The following DOCK3 variants were observed in gnomAD, a reference collection of about 807,000 sequenced individuals.
DOCK3 encodes the protein dedicator of cytokinesis protein 3.
A neutral mutation model predicts 265.6 loss-of-function variants in DOCK3; 60 were observed. That is an observed-to-expected ratio of 0.23 (90% confidence interval 0.18 to 0.28). The LOEUF (loss-of-function observed/expected upper bound fraction) is 0.28, where lower values mean the gene tolerates loss of function less well. DOCK3 is among the 10% of genes least tolerant of loss of function. DOCK3 has a pLI of 1.00. For missense variants in DOCK3, 1,981 were observed against 2,594.3 expected, an observed-to-expected ratio of 0.76 and a Z score of 5.14; for synonymous variants, 881 against 938.0, an observed-to-expected ratio of 0.94 and a Z score of 1.11.
intron 12 of DOCK3, among the ~76,000 whole-genome samples, chr3:51,188,516 C>G (rs1428215453): frequency 6.6e-6 from 1 of 152,190 alleles, no homozygotes; most frequent in Admixed American, 6.5e-5. Flanking sequence ...ACTCAACTCT[C>G]AAACATTGAA....
chr3:51,233,082 C>T (rs2078195126), intron 19 of DOCK3, among the ~76,000 whole-genome samples: 2 of 152,034 alleles, frequency 1.3e-5, no homozygotes, highest in Admixed American at 1.3e-4. Flanking sequence ...GTTCTTTTTG[C>T]CAAGGCTTGC....
chr3:50,960,947 T>C (rs1366325655), intron 5 of DOCK3, among the ~76,000 whole-genome samples: 2 of 152,172 alleles, frequency 1.3e-5, no homozygotes, highest in African/African-American at 4.8e-5. Context: ...TTTCCCCGCA[T>C]TGAGTTGTCT....
At chr3:50,766,694 C>T (rs545034772) in intron 1 of DOCK3, among the ~76,000 whole-genome samples, 1 of 152,116 alleles carries the variant, frequency 6.6e-6, no homozygotes, top group Non-Finnish European at 1.5e-5. Context: ...TGAGGAATTG[C>T]CACACTATCT....
intron 23 of DOCK3, among the ~76,000 whole-genome samples, chr3:51,264,575 C>A (rs1445601202): frequency 6.6e-6 from 1 of 152,082 alleles, no homozygotes; most frequent in African/African-American, 2.4e-5. Context: ...CACCTGTAAT[C>A]CCAGCACTTT....
At chr3:50,744,759 A>G (rs965284058) in intron 1 of DOCK3, among the ~76,000 whole-genome samples, 4 of 152,266 alleles carry the variant, frequency 2.6e-5, no homozygotes, top group Non-Finnish European at 4.4e-5. Flanking sequence ...GTATGTGTTG[A>G]TAGGTAAAGG....
rs776946353 is a variant in DOCK3 at position 51,361,011 on chromosome 3, G to A, written c.5006+379G>A. ...CTGAGTAGAGCCAAGTGGCTGGAGTGCCGGATTCCAGGGCACGGAAAGGGG... is the reference window on the plus strand; with the variant it reads ...CTGAGTAGAGCCAAGTGGCTGGAGTACCGGATTCCAGGGCACGGAAAGGGG... On this transcript the variant is annotated intron_variant, in intron 47 of 52. Transcript: ENST00000266037. The surrounding 1 kb of genome is among the most constrained non-coding windows in gnomAD (Gnocchi z 4.2). Among the ~76,000 whole-genome samples, 2 of 152,204 alleles carry A rather than the reference G, an allele frequency of 1.3e-5. No homozygotes were observed. The highest frequency in any genetic ancestry group is 2.4e-5 in the African/African-American group (1 of 41,440).
At chr3:51,050,447 A>G (rs2080954044) in intron 5 of DOCK3, among the ~76,000 whole-genome samples, 1 of 152,220 alleles carries the variant, frequency 6.6e-6, no homozygotes, top group African/African-American at 2.4e-5. Flanking sequence ...AGATTTATAG[A>G]ATTGTAGCAC....
chr3:51,041,605 T>C (rs189443657), intron 5 of DOCK3, among the ~76,000 whole-genome samples: 3 of 152,252 alleles, frequency 2.0e-5, no homozygotes, highest in African/African-American at 7.2e-5. Context: ...TTAACAGGCA[T>C]GAAAACATGA....
At chr3:51,380,634 G>A (rs2088554476) in intron 52 of DOCK3, among the ~76,000 whole-genome samples, 1 of 152,238 alleles carries the variant, frequency 6.6e-6, no homozygotes, top group South Asian at 2.1e-4. Flanking sequence ...CTACCTGTTA[G>A]CTTGTCTGCA....
chr3:51,146,731 A>T (rs977409996), intron 10 of DOCK3, 101 bp downstream of exon 10: 1 of 1,043,186 alleles, frequency 9.6e-7, no homozygotes, highest in Admixed American at 2.2e-5. Flanking sequence ...TCTTATTTCC[A>T]TATACACTGG....
chr3:51,301,545 A>C lies in DOCK3; in HGVS notation c.2923-8687A>C, dbSNP rs1576713113. On this transcript the variant is annotated intron_variant, in intron 27 of 52. Coordinates refer to ENST00000266037, the MANE Select transcript of DOCK3 (RefSeq NM_004947.5). ...TTCTAGCTTTTTGATGTGGGCATTT[A>C]GTGCTATAAATTTCCCTCTTAACAC... is the stretch of plus-strand genomic sequence containing the variant. 3.3e-5 allele frequency among the ~76,000 whole-genome samples: 5 copies of C among 152,230 alleles called. 1 individual carries two copies. In the South Asian group the frequency reaches 1.0e-3, roughly 32 times the overall value.
chr3:50,973,077 G>GTTTTTTTTTT (rs2077299496), intron 5 of DOCK3, among the ~76,000 whole-genome samples: 1 of 10,098 alleles, frequency 9.9e-5, no homozygotes, highest in Non-Finnish European at 2.2e-4. Context: ...TTTTTTTGCA[G>GTTTTTTTTTT]TTCCAACCTT....
chr3:51,260,123 T>A (rs1219435548), intron 22 of DOCK3, 33 bp from the exon 23 acceptor site: 2 of 1,592,662 alleles, frequency 1.3e-6, no homozygotes, highest in Non-Finnish European at 1.7e-6. Context: ...ATCTTCAACA[T>A]CTCTCCATCA....
intron 12 of DOCK3, 144 bp from the exon 13 acceptor site, chr3:51,208,630 C>G: frequency 1.6e-6 from 1 of 638,146 alleles, no homozygotes; most frequent in Non-Finnish European, 2.7e-6. Context: ...GGAAATGAGC[C>G]TTGTTTAATT....
intron 22 of DOCK3, among the ~76,000 whole-genome samples, chr3:51,248,046 T>A (rs2078922067): frequency 6.6e-6 from 1 of 152,224 alleles, no homozygotes; most frequent in African/African-American, 2.4e-5. Context: ...AATCATTCAG[T>A]CAATGTTGCT....
chr3:50,858,271 C>T lies in DOCK3; in HGVS notation c.162+16556C>T, dbSNP rs981214026. The stretch of plus-strand genomic sequence containing the variant: ...GGACGGGGAACATCACACTCTGGGG[C>T]CTGTTGTGGGATGGGGGTCAGGGGG... On this transcript the variant is annotated intron_variant, in intron 3 of 52. Transcript: ENST00000266037. Among the ~76,000 whole-genome samples, 9 of 151,874 alleles carry T rather than the reference C, an allele frequency of 5.9e-5. No homozygotes were observed. In the East Asian group the frequency reaches 1.7e-3, roughly 29 times the overall value.
At chr3:50,985,540 T>C (rs898649592) in intron 5 of DOCK3, among the ~76,000 whole-genome samples, 1 of 152,194 alleles carries the variant, frequency 6.6e-6, no homozygotes, top group Non-Finnish European at 1.5e-5. Context: ...TAGCTTTTAA[T>C]CACTTTCAGT....
chr3:50,919,840 G>A (rs2050339932), intron 4 of DOCK3, among the ~76,000 whole-genome samples: 1 of 152,146 alleles, frequency 6.6e-6, no homozygotes, highest in Non-Finnish European at 1.5e-5. Context: ...GTTTTCAAAG[G>A]GAATGCTTCA....
At chr3:51,147,065 G>A (rs1286845708) in intron 10 of DOCK3, among the ~76,000 whole-genome samples, 1 of 151,628 alleles carries the variant, frequency 6.6e-6, no homozygotes, top group Non-Finnish European at 1.5e-5. Context: ...GTGAGCCAAG[G>A]TTGCACCACT....
Sources: allele counts gnomAD v4.1 joint callset (sites outside exome capture counted in the v4.1 genomes callset), GRCh38; gene constraint gnomAD v4.1.1; non-coding constraint Gnocchi (gnomAD v3.1); transcripts MANE v1.5; gene names NCBI Gene and HGNC (gene_info 2026-07-23, HGNC 2026-07-21).